CYLD: variants seen among roughly 807,000 people sequenced by gnomAD.
CYLD encodes CYLD lysine 63 deubiquitinase.
In CYLD, 26 loss-of-function variants were observed where a neutral mutation model predicts 104.5. The ratio of observed to expected loss-of-function variants is 0.25; its 90% CI spans 0.18 to 0.35. The LOEUF is 0.35. CYLD is among the 10% of genes least tolerant of loss of function. The pLI, the probability that CYLD is intolerant of heterozygous loss-of-function variation, is 1.00. For missense variants in CYLD, 703 were observed against 1,136.1 expected (o/e 0.62, Z 5.48); for synonymous variants, 385 against 399.9 (o/e 0.96, Z 0.45).
chr16:50,785,820 C>T (rs1002858273), intron 12 of CYLD: 9 of 152,232 alleles, frequency 5.9e-5, no homozygotes, highest in Non-Finnish European at 1.2e-4. Flanking sequence ...TTCAGAGACC[C>T]TGTCTTTTTA....
At chr16:50,758,116 AAC>A (rs1463632325) in intron 5 of CYLD, among the ~76,000 whole-genome samples, 4 of 152,184 alleles carry the variant, frequency 2.6e-5, no homozygotes, top group Non-Finnish European at 4.4e-5. Context: ...AAAAATGATA[AAC>A]ACAGTGAGGA....
At position 50,796,443 on chromosome 16, in the gene CYLD, C is replaced by T. The variant is rs121908390; in HGVS notation, c.2806C>T (p.Arg936Ter). 1 of 1,613,922 alleles carries T rather than the reference C, an allele frequency of 6.2e-7. No homozygotes were observed. The highest frequency in any genetic ancestry group is 8.5e-7 in the Non-Finnish European group (1 of 1,179,986). ...CTCCAGGAGAATCCAAGGCTGTGCACGAAGACTGCTTTGTGATGCATATAT... is the reference window on the plus strand; with the variant it reads ...CTCCAGGAGAATCCAAGGCTGTGCATGAAGACTGCTTTGTGATGCATATAT... ...LDSRRIQGCA[R>*]RLLCDAYMCM... The change falls in exon 19 of 19, where the codon CGA becomes TGA. Residue 936 changes from arginine (R) to a stop codon, truncating the protein, a stop_gained. Transcript: ENST00000427738. LOFTEE classifies it high-confidence loss of function.
In CYLD at chr16:50,801,851, T is replaced by C; in HGVS notation, c.*5343T>C. On this transcript the variant is annotated 3_prime_UTR_variant, in exon 19 of 19. Coordinates refer to ENST00000427738, the MANE Select transcript of CYLD (RefSeq NM_001378743.1). The stretch of plus-strand genomic sequence containing the variant: ...CTGATTTAGCCTTAATTTTGTTAAA[T>C]TTTTTAGAGATGAATGAAGTGCTGC... 4.3e-6 allele frequency: 1 copy of C among 233,102 alleles called. No individual in the cohort carries two copies. Among genetic ancestry groups the C allele is most frequent in the Non-Finnish European group, 8.5e-6 (1 of 117,636 alleles). 14.4% of individuals were successfully genotyped at this position (233,102 alleles called of 1,614,324 possible). A position where few individuals can be genotyped will look rare whatever the true frequency, so the allele number is the denominator to read the frequency against.
At chr16:50,778,274 C>T (rs561899723) in intron 8 of CYLD, 1 of 183,616 alleles carries the variant, frequency 5.4e-6, no homozygotes, top group African/African-American at 2.3e-5. Flanking sequence ...ATCATTTTCA[C>T]CTAGTTTATT....
chr16:50,773,473 T>C (rs1969355059), intron 5 of CYLD, among the ~76,000 whole-genome samples: 2 of 152,236 alleles, frequency 1.3e-5, no homozygotes, highest in African/African-American at 2.4e-5. Flanking sequence ...ATTGTATGAA[T>C]AGACCATAAT....
intron 9 of CYLD, 56 bp downstream of exon 9, chr16:50,780,100 A>T: frequency 1.9e-6 from 3 of 1,591,230 alleles, no homozygotes; most frequent in Non-Finnish European, 2.6e-6. Context: ...TTTTGTGCAG[A>T]TTTCGCCCTA....
intron 14 of CYLD, among the ~76,000 whole-genome samples, chr16:50,788,627 A>G (rs1033487112): frequency 3.3e-5 from 5 of 152,210 alleles, no homozygotes; most frequent in African/African-American, 4.8e-5. Context: ...GAATGAAATG[A>G]GACTGATACA....
intron 4 of CYLD, among the ~76,000 whole-genome samples, chr16:50,752,928 G>A (rs967102143): frequency 1.3e-5 from 2 of 152,172 alleles, no homozygotes; most frequent in African/African-American, 4.8e-5. Context: ...GAACATATGG[G>A]CAAGACTTTG....
intron 14 of CYLD, among the ~76,000 whole-genome samples, chr16:50,789,365 G>A (rs1016118850): frequency 2.0e-4 from 30 of 152,154 alleles, no homozygotes; most frequent in African/African-American, 7.2e-4. Flanking sequence ...TAAAACAGTT[G>A]TTTTCATCGT....
intron 12 of CYLD, chr16:50,784,767 G>C (rs1404511453): frequency 7.0e-6 from 2 of 285,426 alleles, no homozygotes; most frequent in Non-Finnish European, 1.4e-5. Context: ...CTTATCTTTT[G>C]AAATAGTTTA....
chr16:50,771,354 A>G (rs1969125133), intron 5 of CYLD, among the ~76,000 whole-genome samples: 1 of 150,366 alleles, frequency 6.7e-6, no homozygotes, highest in Non-Finnish European at 1.5e-5. Flanking sequence ...AACCTTCTTT[A>G]TGGTTGAATA....
rs2151039887 is a variant in CYLD at position 50,794,442 on chromosome 16, C to G, written c.2686+14C>G. 3 of 1,613,062 alleles carry G rather than the reference C, an allele frequency of 1.9e-6. No homozygotes were observed. The South Asian group carries it at 3.3e-5, about 18-fold the overall frequency. Reference sequence around the variant, plus strand: ...CCGATCGGGATGGTACTGAAAACGCCTTTCTTCTGCATGTGGCACAGGGTT... The same window carrying G: ...CCGATCGGGATGGTACTGAAAACGCGTTTCTTCTGCATGTGGCACAGGGTT... On this transcript the variant is annotated intron_variant, in intron 18 of 18. Coordinates refer to ENST00000427738, the MANE Select transcript of CYLD (RefSeq NM_001378743.1). This position sits in a 1 kb window ranked among gnomAD's most constrained non-coding sequence, Gnocchi z 4.1.
intron 2 of CYLD, 83 bp from the exon 3 acceptor site, chr16:50,749,493 C>T: frequency 1.7e-6 from 1 of 594,100 alleles, no homozygotes; most frequent in East Asian, 2.8e-5. Flanking sequence ...AGTCTTCAGT[C>T]TTAATTTTCA....
intron 18 of CYLD, chr16:50,795,529 T>A (rs1247275957): frequency 4.3e-6 from 3 of 702,856 alleles, no homozygotes; most frequent in African/African-American, 1.7e-5. Flanking sequence ...TCCATTCTTA[T>A]ACCCTATTTT....
chr16:50,761,759 T>TATCTATCTATCC (rs1555506347), intron 5 of CYLD, among the ~76,000 whole-genome samples: 2 of 152,070 alleles, frequency 1.3e-5, no homozygotes, highest in Non-Finnish European at 2.9e-5. Context: ...TCTATCTATC[T>TATCTATCTATCC]ATCTATCTAT....
chr16:50,765,907 T>C (rs1968460035), intron 5 of CYLD, among the ~76,000 whole-genome samples: 1 of 152,226 alleles, frequency 6.6e-6, no homozygotes, highest in Admixed American at 6.5e-5. Context: ...TCGCACAGGT[T>C]GGTTCATAAA....
chr16:50,791,438 A>G (rs1971421656), intron 14 of CYLD, 120 bp from the exon 15 acceptor site: 5 of 1,003,672 alleles, frequency 5.0e-6, no homozygotes, highest in Admixed American at 2.0e-5. Flanking sequence ...CTGACTATCC[A>G]AAGCTACACC....
chr16:50,756,809 GC>G (rs1346648486), intron 5 of CYLD, among the ~76,000 whole-genome samples: 2 of 152,050 alleles, frequency 1.3e-5, no homozygotes, highest in Non-Finnish European at 2.9e-5. Flanking sequence ...TCCCCATTTC[GC>G]TGATAAAAAG....
At chr16:50,772,449 G>A (rs1969252715) in intron 5 of CYLD, among the ~76,000 whole-genome samples, 2 of 152,170 alleles carry the variant, frequency 1.3e-5, no homozygotes, top group South Asian at 4.1e-4. Context: ...CTTCCCAGAA[G>A]TAGAAGTTGC....
Sources: gnomAD v4.1 joint callset for allele counts (sites outside exome capture counted in the v4.1 genomes callset) on GRCh38, gnomAD v4.1.1 for gene constraint, Gnocchi (gnomAD v3.1) non-coding constraint, MANE v1.5 for transcripts, NCBI Gene and HGNC (gene_info 2026-07-23, HGNC 2026-07-21) for gene names.